The following BPIFB4 variants were observed in gnomAD, a reference collection of about 807,000 sequenced individuals.
The protein encoded by BPIFB4 is BPI fold-containing family B member 4.
In BPIFB4, 62 loss-of-function variants were observed where a neutral mutation model predicts 69.2. The ratio of observed to expected loss-of-function variants is 0.90; its 90% confidence interval spans 0.73 to 1.11. BPIFB4 has a LOEUF of 1.11. BPIFB4 is among the 50% of genes least tolerant of loss of function. The pLI is 0.00. For missense variants in BPIFB4, 789 were observed against 792.0 expected (o/e 1.00, Z 0.04); for synonymous variants, 330 against 332.7 (o/e 0.99, Z 0.09).
At chr20:33,082,437 G>A (rs770157139) in intron 3 of BPIFB4, among the ~76,000 whole-genome samples, 14 of 152,232 alleles carry the variant, frequency 9.2e-5, no homozygotes, top group Non-Finnish European at 2.1e-4. Context: ...CGTTTCAAGC[G>A]ATTCTCCTGC....
At chr20:33,085,204 C>A (rs1324378692) in intron 6 of BPIFB4, among the ~76,000 whole-genome samples, 1 of 152,154 alleles carries the variant, frequency 6.6e-6, no homozygotes, top group African/African-American at 2.4e-5. Flanking sequence ...CCTGTCATCC[C>A]AGCACTTTGG....
chr20:33,093,886 A>G (rs1981682904), intron 11 of BPIFB4, among the ~76,000 whole-genome samples: 2 of 151,004 alleles, frequency 1.3e-5, no homozygotes. Context: ...ATCCATTTAT[A>G]TATCCATCCA....
chr20:33,107,281 G>GAAAAGA (rs1232319400), intron 16 of BPIFB4, among the ~76,000 whole-genome samples: 8 of 142,184 alleles, frequency 5.6e-5, no homozygotes, highest in East Asian at 1.9e-4. Flanking sequence ...AAAGGGAAAA[G>GAAAAGA]AAAAGAAAAA....
intron 5 of BPIFB4, 56 bp downstream of exon 5, chr20:33,083,930 G>C: frequency 1.3e-6 from 2 of 1,524,140 alleles, no homozygotes; most frequent in Non-Finnish European, 1.8e-6. Context: ...AAATGGGGGT[G>C]ATCACTCCCT....
chr20:33,083,316 G>A (rs752351064), intron 4 of BPIFB4, 51 bp from the exon 5 acceptor site: 88 of 1,563,476 alleles, frequency 5.6e-5, no homozygotes, highest in Non-Finnish European at 7.4e-5. Context: ...GGTCTTTTGG[G>A]TGGTGGCCGA....
chr20:33,108,202 CA>C (rs919365244), intron 17 of BPIFB4, among the ~76,000 whole-genome samples: 1 of 152,090 alleles, frequency 6.6e-6, no homozygotes, highest in Non-Finnish European at 1.5e-5. Context: ...CAGCAGTGAA[CA>C]AGGACAACCC....
At chr20:33,085,630 C>A (rs143770200) in intron 6 of BPIFB4, among the ~76,000 whole-genome samples, 1 of 152,070 alleles carries the variant, frequency 6.6e-6, no homozygotes, top group Non-Finnish European at 1.5e-5. Context: ...TGACTGTGGC[C>A]GTAAGTGGGG....
rs769308471 is a variant in BPIFB4 at position 33,083,654 on chromosome 20, C to T, written c.457C>T (p.Gln153Ter). 3 of 1,614,104 alleles carry T rather than the reference C, an allele frequency of 1.9e-6. No homozygotes were observed. In the East Asian group the frequency reaches 6.7e-5, roughly 36 times the overall value. Residue 153 changes from glutamine to a stop codon, truncating the protein, a stop_gained, in exon 5 of 18, where the codon CAG becomes TAG. Coordinates refer to ENST00000375483, the MANE Select transcript of BPIFB4 (RefSeq NM_182519.3). LOFTEE classifies it high-confidence loss of function. ...GGGCAGGCTTCACCGGCGAGAGCTG[C>T]AGCCTGGAGAAATCCCACCTGGAGT... is the stretch of plus-strand genomic sequence containing the variant. ...PVGRLHRREL[Q>*]PGEIPPGVAT...
At chr20:33,105,015 C>T (rs1182581860) in intron 16 of BPIFB4, 142 bp downstream of exon 16, 1 of 788,900 alleles carries the variant, frequency 1.3e-6, no homozygotes, top group Non-Finnish European at 1.9e-6. Flanking sequence ...CGATGAAAGC[C>T]TCCAAATCCA....
intron 7 of BPIFB4, among the ~76,000 whole-genome samples, chr20:33,087,911 A>G (rs1363086021): frequency 6.6e-6 from 1 of 152,172 alleles, no homozygotes; most frequent in African/African-American, 2.4e-5. Context: ...GCTTTATTTC[A>G]AGAAATTCTT....
rs774766247 is a variant in BPIFB4 at position 33,086,126 on chromosome 20, C to T, written c.888C>T (p.Asp296=). 1.9e-6 allele frequency: 3 copies of T among 1,613,064 alleles called. No individual in the cohort carries two copies. The Admixed American group carries it at 5.0e-5, about 27-fold the overall frequency. Residue 296 remains aspartate, a synonymous_variant, in exon 7 of 18, where the codon GAC becomes GAT. Transcript: ENST00000375483. ...GYPRLVIERC[D]TLLGGIKVKL... The stretch of plus-strand genomic sequence containing the variant: ...CTCGGCTGGTCATTGAGCGATGTGA[C>T]ACCCTCCTAGGGGGCATCAAAGTCA...
At chr20:33,086,380 C>T (rs1981430826) in intron 7 of BPIFB4, among the ~76,000 whole-genome samples, 2 of 152,214 alleles carry the variant, frequency 1.3e-5, no homozygotes, top group Non-Finnish European at 1.5e-5. Flanking sequence ...ACCTTCAAAC[C>T]CAGGATGGGG....
In BPIFB4 at chr20:33,104,824, G is replaced by A. The variant is rs1162197320; in HGVS notation, c.1695G>A (p.Glu565=). ...TTCCTCTGCAGATTGGCCTCATGGAGGTGCTGGTGGAGAAGATTTTTGACC... is the reference window on the plus strand; with the variant it reads ...TTCCTCTGCAGATTGGCCTCATGGAAGTGCTGGTGGAGAAGATTTTTGACC... ...NVGNFDIGLM[E]VLVEKIFDLA... Residue 565 remains glutamate, a synonymous_variant, in exon 16 of 18, where the codon GAG becomes GAA. Transcript: ENST00000375483. 18 of 1,614,036 alleles carry A rather than the reference G, an allele frequency of 1.1e-5. No individual in the cohort carries two copies. Among genetic ancestry groups the A allele is most frequent in the Non-Finnish European group, 1.4e-5 (16 of 1,180,016 alleles).
chr20:33,093,345 A>G (rs1981663138), intron 11 of BPIFB4, among the ~76,000 whole-genome samples: 1 of 150,402 alleles, frequency 6.6e-6, no homozygotes, highest in Admixed American at 6.6e-5. Flanking sequence ...CCATCTATTT[A>G]TCCACCAGTC....
intron 17 of BPIFB4, among the ~76,000 whole-genome samples, chr20:33,108,392 TA>T (rs953277038): frequency 1.4e-5 from 2 of 144,668 alleles, no homozygotes. Context: ...TGGAAAAGAT[TA>T]AAAAAAAGTA....
rs200534355 is a variant in BPIFB4 at position 33,097,773 on chromosome 20, T to G, written c.1555T>G (p.Cys519Gly). Reference sequence around the variant, plus strand: ...GCCCAAAGACCTGGAGACTACCATCTGCCTCATTGACGTGGTGAGTGTCTG... The same window carrying G: ...GCCCAAAGACCTGGAGACTACCATCGGCCTCATTGACGTGGTGAGTGTCTG... ...SQPKDLETTI[C>G]LIDVDTEFLA... is the part of the protein sequence containing the mutation. The change falls in exon 13 of 18, where the codon TGC becomes GGC. Residue 519 changes from cysteine (C) to glycine (G), a missense_variant. Around this residue, in one of 3 missense-constraint regions of BPIFB4, gnomAD observed 170 missense variants for 193.6 expected, o/e 0.88. Transcript: ENST00000375483. 6.2e-7 allele frequency: 1 copy of G among 1,613,416 alleles called. No individual in the cohort carries two copies. The highest frequency in any genetic ancestry group is 1.3e-5 in the African/African-American group (1 of 75,048).
chr20:33,092,680 G>A (rs373884591), intron 11 of BPIFB4, 22 bp downstream of exon 11: 1 of 1,594,032 alleles, frequency 6.3e-7, no homozygotes, highest in Non-Finnish European at 8.5e-7. Flanking sequence ...CCCCACCAGG[G>A]GGAGGTGGCT....
chr20:33,099,775 G>A (rs1205475530), intron 13 of BPIFB4, among the ~76,000 whole-genome samples: 2 of 152,140 alleles, frequency 1.3e-5, no homozygotes, highest in East Asian at 1.9e-4. Context: ...TCTTCATCAG[G>A]CCAGTCATCG....
chr20:33,108,936 C>T (rs1366842205), intron 17 of BPIFB4, among the ~76,000 whole-genome samples: 2 of 152,124 alleles, frequency 1.3e-5, no homozygotes, highest in African/African-American at 4.8e-5. Context: ...GGAAATTGCC[C>T]CCTCACATTT....
Sources: allele counts gnomAD v4.1 joint callset (sites outside exome capture counted in the v4.1 genomes callset), GRCh38; gene constraint gnomAD v4.1.1; regional missense constraint gnomAD v4.1.1; transcripts MANE v1.5; gene names NCBI Gene and HGNC (gene_info 2026-07-23, HGNC 2026-07-21).